EPHB1: variants seen among roughly 807,000 people sequenced by gnomAD.
EPHB1 encodes the protein ephrin type-B receptor 1.
Under a neutral mutation model 94.4 loss-of-function variants are expected in EPHB1, and 30 were observed. That is an observed-to-expected ratio of 0.32 (90% CI 0.24 to 0.43). EPHB1 has a LOEUF of 0.43. Ranked by LOEUF, EPHB1 falls within the 20% of genes least tolerant of loss-of-function variation. The pLI is 1.00. For synonymous variants in EPHB1, 522 were observed against 489.1 expected, an observed-to-expected ratio of 1.07 and a Z score of -0.89; for missense variants, 1,055 against 1,308.3, an observed-to-expected ratio of 0.81 and a Z score of 2.99.
chr3:135,062,891 T>A (rs1475943315), intron 3 of EPHB1, among the ~76,000 whole-genome samples: 2 of 152,168 alleles, frequency 1.3e-5, no homozygotes, highest in Non-Finnish European at 2.9e-5. Flanking sequence ...TCCAGCTTCA[T>A]TCTCCTATAT....
intron 10 of EPHB1, among the ~76,000 whole-genome samples, chr3:135,188,277 A>T (rs761594359): frequency 6.6e-6 from 1 of 151,142 alleles, no homozygotes; most frequent in African/African-American, 2.4e-5. Flanking sequence ...TGGGCAGATC[A>T]CGAGGTCAGG....
intron 1 of EPHB1, among the ~76,000 whole-genome samples, chr3:134,813,293 A>G (rs1429915803): frequency 6.6e-6 from 1 of 151,910 alleles, no homozygotes. Context: ...TTCCAATCTC[A>G]TCTCCATCAC....
intron 1 of EPHB1, among the ~76,000 whole-genome samples, chr3:134,863,222 G>A (rs2037303964): frequency 6.6e-6 from 1 of 152,214 alleles, no homozygotes; most frequent in East Asian, 1.9e-4. Context: ...CCTGGCCACA[G>A]TGCTCCCCAA....
chr3:135,220,136 A>G (rs1943242154), intron 12 of EPHB1, among the ~76,000 whole-genome samples: 1 of 152,204 alleles, frequency 6.6e-6, no homozygotes, highest in Admixed American at 6.5e-5. Flanking sequence ...GGTAGTCAAG[A>G]AACTCATCCA....
chr3:134,890,530 G>C (rs1475493677), intron 1 of EPHB1, among the ~76,000 whole-genome samples: 1 of 152,088 alleles, frequency 6.6e-6, no homozygotes, highest in Non-Finnish European at 1.5e-5. Context: ...TGGCTGTCTT[G>C]GGCATATTGC....
chr3:134,847,093 C>T (rs2036889487), intron 1 of EPHB1, among the ~76,000 whole-genome samples: 1 of 152,000 alleles, frequency 6.6e-6, no homozygotes, highest in Non-Finnish European at 1.5e-5. Context: ...CCATTTCACG[C>T]TGATTAACAG....
At chr3:135,120,143 T>A (rs1331097543) in intron 4 of EPHB1, among the ~76,000 whole-genome samples, 1 of 152,236 alleles carries the variant, frequency 6.6e-6, no homozygotes, top group African/African-American at 2.4e-5. Flanking sequence ...TTGACAAATG[T>A]CATTAAACAA....
intron 1 of EPHB1, among the ~76,000 whole-genome samples, chr3:134,865,345 G>T (rs2037351774): frequency 1.3e-5 from 2 of 152,148 alleles, no homozygotes; most frequent in African/African-American, 4.8e-5. Context: ...AAAGGAAAAT[G>T]TTAGGAATCA....
chr3:135,059,258 A>G (rs1937428809), intron 3 of EPHB1, among the ~76,000 whole-genome samples: 1 of 152,238 alleles, frequency 6.6e-6, no homozygotes, highest in African/African-American at 2.4e-5. Flanking sequence ...GTGAAACACA[A>G]TTATTTACTG....
At chr3:134,899,034 T>C (rs1304095412) in intron 1 of EPHB1, among the ~76,000 whole-genome samples, 1 of 152,118 alleles carries the variant, frequency 6.6e-6, no homozygotes, top group Non-Finnish European at 1.5e-5. Flanking sequence ...CTTGATTGTC[T>C]CCCAATAGAT....
At chr3:135,057,188 A>G (rs1576351433) in intron 3 of EPHB1, among the ~76,000 whole-genome samples, 2 of 152,280 alleles carry the variant, frequency 1.3e-5, no homozygotes. Context: ...TCCAGATGCC[A>G]TGTTCAGCCC....
chr3:135,116,091 G>C, intron 4 of EPHB1, among the ~76,000 whole-genome samples: 1 of 152,166 alleles, frequency 6.6e-6, no homozygotes, highest in East Asian at 1.9e-4. Context: ...GCACACACCT[G>C]TAGTCCCAGC....
chr3:134,911,067 G>A lies in EPHB1; in HGVS notation c.59-14749G>A, dbSNP rs911732813. 2.2e-4 allele frequency among the ~76,000 whole-genome samples: 34 copies of A among 152,186 alleles called. 1 individual carries two copies. Among genetic ancestry groups the A allele is most frequent in the African/African-American group, 7.2e-5 (3 of 41,440 alleles). On this transcript the variant is annotated intron_variant, in intron 1 of 15. Coordinates refer to ENST00000398015, the MANE Select transcript of EPHB1 (RefSeq NM_004441.5). ...GACAGACTCAGTGGCTTAAGTTATCGGGGAGGCCACCTGGAGGAAAAGGGA... is the reference window on the plus strand; with the variant it reads ...GACAGACTCAGTGGCTTAAGTTATCAGGGAGGCCACCTGGAGGAAAAGGGA...
intron 1 of EPHB1, among the ~76,000 whole-genome samples, chr3:134,868,206 T>C (rs916777832): frequency 1.3e-5 from 2 of 152,250 alleles, no homozygotes; most frequent in African/African-American, 4.8e-5. Flanking sequence ...TTGGCTGCTC[T>C]ATCAAAGAGT....
chr3:134,811,532 C>G (rs915305964), intron 1 of EPHB1, among the ~76,000 whole-genome samples: 2 of 151,974 alleles, frequency 1.3e-5, no homozygotes, highest in African/African-American at 4.8e-5. Context: ...AGCCAATGCG[C>G]CCGGCCTAAG....
At chr3:134,876,275 C>A (rs2037614855) in intron 1 of EPHB1, among the ~76,000 whole-genome samples, 1 of 152,218 alleles carries the variant, frequency 6.6e-6, no homozygotes, top group African/African-American at 2.4e-5. Flanking sequence ...TTTACCTGCA[C>A]ATCTCCAAGA....
intron 1 of EPHB1, among the ~76,000 whole-genome samples, chr3:134,914,870 C>T (rs770329367): frequency 2.4e-4 from 37 of 152,260 alleles, no homozygotes; most frequent in Admixed American, 1.2e-3. Context: ...GGCCACCAGC[C>T]TCTCCCAGTC....
At chr3:134,813,310 C>T (rs775493035) in intron 1 of EPHB1, among the ~76,000 whole-genome samples, 5 of 152,158 alleles carry the variant, frequency 3.3e-5, no homozygotes, top group Non-Finnish European at 7.4e-5. Flanking sequence ...TCACACTGCT[C>T]AGTAGAAAGG....
intron 4 of EPHB1, among the ~76,000 whole-genome samples, chr3:135,130,955 G>A (rs1261360720): frequency 1.3e-5 from 2 of 152,208 alleles, no homozygotes; most frequent in East Asian, 3.9e-4. Context: ...GCAAACAGAT[G>A]TGTCCAAGAC....
Sources: gnomAD v4.1 joint callset for allele counts (sites outside exome capture counted in the v4.1 genomes callset) on GRCh38, gnomAD v4.1.1 for gene constraint, MANE v1.5 for transcripts, NCBI Gene and HGNC (gene_info 2026-07-23, HGNC 2026-07-21) for gene names.